The following ADGRL3 variants were observed in gnomAD, a reference collection of about 807,000 sequenced individuals.
The protein encoded by ADGRL3 is adhesion G protein-coupled receptor L3.
In ADGRL3, 62 loss-of-function variants were observed where a neutral mutation model predicts 153.5. That is an observed-to-expected ratio of 0.40 (90% CI 0.33 to 0.50). The LOEUF (loss-of-function observed/expected upper bound fraction) is 0.50. Among genes scored for constraint, ADGRL3 ranks in the 20% least tolerant of loss-of-function variants. The pLI, the probability that ADGRL3 is intolerant of heterozygous loss-of-function variation, is 0.47. For synonymous variants in ADGRL3, 710 were observed against 672.5 expected (o/e 1.06, Z -0.86); for missense variants, 1,641 against 1,859.4 (o/e 0.88, Z 2.16).
At chr4:61,259,597 A>G (rs766783208) in intron 1 of ADGRL3, among the ~76,000 whole-genome samples, 12 of 152,118 alleles carry the variant, frequency 7.9e-5, no homozygotes, top group Non-Finnish European at 1.8e-4. Flanking sequence ...CGTAGTGTTT[A>G]TATTGCATGA....
At chr4:61,839,219 T>C (rs1010465785) in intron 9 of ADGRL3, among the ~76,000 whole-genome samples, 9 of 152,268 alleles carry the variant, frequency 5.9e-5, no homozygotes, top group African/African-American at 2.2e-4. Context: ...AGATGGAGCC[T>C]TACTCTGTCA....
intron 9 of ADGRL3, among the ~76,000 whole-genome samples, chr4:61,883,029 T>C (rs1458657262): frequency 1.3e-5 from 2 of 152,212 alleles, no homozygotes; most frequent in African/African-American, 2.4e-5. Context: ...GTCAGGAGAA[T>C]TGCTTGAACC....
intron 4 of ADGRL3, among the ~76,000 whole-genome samples, chr4:61,531,826 G>A (rs1227382456): frequency 6.6e-6 from 1 of 151,972 alleles, no homozygotes; most frequent in Non-Finnish European, 1.5e-5. Context: ...TAATTATTGA[G>A]AAAAGCAGAA....
At chr4:61,209,411 C>T (rs1475398233) in intron 1 of ADGRL3, among the ~76,000 whole-genome samples, 1 of 152,098 alleles carries the variant, frequency 6.6e-6, no homozygotes, top group East Asian at 1.9e-4. Context: ...GGAGTGAATA[C>T]TTCATGCATA....
intron 24 of ADGRL3, among the ~76,000 whole-genome samples, chr4:62,040,174 G>T (rs558105811): frequency 6.6e-6 from 1 of 152,094 alleles, no homozygotes; most frequent in African/African-American, 2.4e-5. Flanking sequence ...TAAGAAGATT[G>T]AAGTAATATA....
At chr4:61,447,832 G>C (rs1222166963) in intron 2 of ADGRL3, among the ~76,000 whole-genome samples, 4 of 152,118 alleles carry the variant, frequency 2.6e-5, no homozygotes, top group Admixed American at 2.0e-4. Flanking sequence ...TACAAATTCG[G>C]TTTCATATTC....
At chr4:61,440,122 C>T (rs1038313729) in intron 2 of ADGRL3, among the ~76,000 whole-genome samples, 12 of 152,022 alleles carry the variant, frequency 7.9e-5, no homozygotes, top group Non-Finnish European at 1.3e-4. Context: ...AATCTTGGCT[C>T]GCTGCAACCT....
chr4:62,066,855 G>T (rs1228656451), intron 25 of ADGRL3, among the ~76,000 whole-genome samples: 11 of 152,052 alleles, frequency 7.2e-5, no homozygotes, highest in Non-Finnish European at 1.5e-4. Flanking sequence ...AAGAAGTCTG[G>T]AAGACTTTTT....
intron 1 of ADGRL3, among the ~76,000 whole-genome samples, chr4:61,314,533 C>G (rs2095137073): frequency 6.6e-6 from 1 of 152,170 alleles, no homozygotes; most frequent in African/African-American, 2.4e-5. Flanking sequence ...TACCACTGAT[C>G]CCATGCAGTG....
intron 6 of ADGRL3, among the ~76,000 whole-genome samples, chr4:61,682,544 ACTTT>A (rs1256612082): frequency 6.8e-6 from 1 of 148,114 alleles, no homozygotes; most frequent in African/African-American, 2.5e-5. Context: ...AGCTGGAGTT[ACTTT>A]CTTTCTTTAA....
intron 24 of ADGRL3, among the ~76,000 whole-genome samples, chr4:62,043,051 T>C (rs1729228974): frequency 6.6e-6 from 1 of 152,114 alleles, no homozygotes; most frequent in African/African-American, 2.4e-5. Context: ...GCTATGAGCT[T>C]TTAATTTTCT....
At chr4:61,694,080 C>A (rs760407065) in intron 6 of ADGRL3, among the ~76,000 whole-genome samples, 7 of 150,764 alleles carry the variant, frequency 4.6e-5, no homozygotes, top group Non-Finnish European at 7.4e-5. Context: ...ATAATGACTT[C>A]AAAACAGTGT....
Position 61,266,136 on chromosome 4 carries a change from T to C in ADGRL3, c.-240+64371T>C, listed in dbSNP as rs991902227. 6.6e-5 allele frequency among the ~76,000 whole-genome samples: 10 copies of C among 151,824 alleles called. No individual in the cohort carries two copies. In the South Asian group the frequency reaches 8.3e-4, roughly 13 times the overall value. On this transcript the variant is annotated intron_variant, in intron 1 of 26. Transcript: ENST00000683033. ...TACTTTATAGTTATTCTAACAATGATTCCATTTTCAGAGAGGTTCTCTGGG... is the reference window on the plus strand; with the variant it reads ...TACTTTATAGTTATTCTAACAATGACTCCATTTTCAGAGAGGTTCTCTGGG...
intron 2 of ADGRL3, among the ~76,000 whole-genome samples, chr4:61,388,730 G>A (rs1217230494): frequency 1.3e-5 from 2 of 152,148 alleles, no homozygotes; most frequent in Admixed American, 6.5e-5. Context: ...CTGCTCTCCA[G>A]CTGCCCTGGC....
intron 4 of ADGRL3, among the ~76,000 whole-genome samples, chr4:61,518,708 T>C (rs1365021827): frequency 6.6e-6 from 1 of 152,108 alleles, no homozygotes; most frequent in Non-Finnish European, 1.5e-5. Flanking sequence ...GTAGTGGTGG[T>C]TTGGCAGCAG....
At chr4:61,960,516 T>C (rs2098983755) in intron 17 of ADGRL3, among the ~76,000 whole-genome samples, 1 of 152,186 alleles carries the variant, frequency 6.6e-6, no homozygotes, top group South Asian at 2.1e-4. Flanking sequence ...CTGAGCACTC[T>C]GGAAAGCCAC....
intron 17 of ADGRL3, among the ~76,000 whole-genome samples, chr4:61,968,091 C>T (rs562149180): frequency 1.3e-5 from 2 of 152,274 alleles, no homozygotes; most frequent in South Asian, 4.1e-4. Context: ...CTTAAAGTTC[C>T]TACTTATCAA....
intron 1 of ADGRL3, among the ~76,000 whole-genome samples, chr4:61,344,309 C>T (rs1160345328): frequency 8.5e-5 from 13 of 152,102 alleles, no homozygotes; most frequent in Non-Finnish European, 4.4e-5. Context: ...AGTTGCTTTG[C>T]ATAATTTAGT....
At chr4:61,452,838 T>A (rs532023571) in intron 2 of ADGRL3, among the ~76,000 whole-genome samples, 3 of 152,238 alleles carry the variant, frequency 2.0e-5, no homozygotes, top group South Asian at 2.1e-4. Flanking sequence ...AACAAAAATG[T>A]CAACATGTAA....
Sources: gnomAD v4.1 joint callset for allele counts (sites outside exome capture counted in the v4.1 genomes callset) on GRCh38, gnomAD v4.1.1 for gene constraint, MANE v1.5 for transcripts, NCBI Gene and HGNC (gene_info 2026-07-23, HGNC 2026-07-21) for gene names.